The following PHF24 variants were observed in gnomAD, a reference collection of about 807,000 sequenced individuals.
PHF24 encodes PHD finger protein 24, also known as Galpha inhibitory interacting protein.
A neutral mutation model predicts 42.6 loss-of-function variants in PHF24; 25 were observed. That is an observed-to-expected ratio of 0.59 (90% CI 0.43 to 0.82). PHF24 has a LOEUF of 0.82. Ranked by LOEUF, PHF24 falls within the 40% of genes least tolerant of loss-of-function variation. The pLI, the probability that PHF24 is intolerant of heterozygous loss-of-function variation, is 0.00. For synonymous variants in PHF24, 185 were observed against 204.8 expected (o/e 0.90, Z 0.83); for missense variants, 470 against 538.1 (o/e 0.87, Z 1.25).
chr9:34,935,150 C>T, the PHF24 span, among the ~76,000 whole-genome samples: 5 of 152,164 alleles, frequency 3.3e-5, no homozygotes, highest in East Asian at 1.9e-4. Flanking sequence ...TGATCAACTA[C>T]GTTAATGGTA....
chr9:34,828,462 A>G, the PHF24 span, among the ~76,000 whole-genome samples: 2 of 151,924 alleles, frequency 1.3e-5, no homozygotes, highest in Admixed American at 1.3e-4. Context: ...TCTGAATCCC[A>G]TGTTCTCTTT....
the PHF24 span, among the ~76,000 whole-genome samples, chr9:34,878,412 G>T: frequency 6.6e-6 from 1 of 152,174 alleles, no homozygotes; most frequent in Admixed American, 6.5e-5. Context: ...GAAGCAGGGC[G>T]GGGCATTGCC....
the PHF24 span, among the ~76,000 whole-genome samples, chr9:34,768,521 C>G: frequency 2.0e-5 from 3 of 152,072 alleles, no homozygotes; most frequent in Non-Finnish European, 4.4e-5. Context: ...TTTAAAAAAT[C>G]TGTAAAATGG....
chr9:34,786,127 G>A, the PHF24 span, among the ~76,000 whole-genome samples: 1 of 152,172 alleles, frequency 6.6e-6, no homozygotes, highest in African/African-American at 2.4e-5. Flanking sequence ...TCAAACCAAT[G>A]GGTGATGAAT....
the PHF24 span, among the ~76,000 whole-genome samples, chr9:34,891,363 T>A: frequency 6.6e-6 from 1 of 152,198 alleles, no homozygotes; most frequent in African/African-American, 2.4e-5. Context: ...GCAGGGACAA[T>A]GCCCTAGCAG....
the PHF24 span, chr9:34,918,228 AC>A: frequency 6.7e-7 from 1 of 1,498,852 alleles, no homozygotes; most frequent in South Asian, 1.1e-5. Context: ...CTTTTCGGTG[AC>A]AGAAGCCCTC....
chr9:34,696,841 G>T, the PHF24 span, among the ~76,000 whole-genome samples: 5 of 152,056 alleles, frequency 3.3e-5, no homozygotes, highest in Non-Finnish European at 7.4e-5. Flanking sequence ...ATAACTCTCT[G>T]GCAAAAGGCA....
rs188720169 is a variant in PHF24, at chr9:34,958,560, C to T, written c.-5+159C>T. On this transcript the variant is annotated intron_variant, in intron 1 of 7. Coordinates refer to ENST00000242315, the Ensembl canonical transcript of PHF24. This position sits in a 1 kb window ranked among gnomAD's most constrained non-coding sequence, Gnocchi z 4.5. ...GAACCCCAAGTAGCTGCTGCCTCTA[C>T]GCCTTGGGGGAGTCCCTGAGGTGCT... is the stretch of plus-strand genomic sequence containing the variant. 6.6e-6 allele frequency among the ~76,000 whole-genome samples: 1 copy of T among 152,254 alleles called. No homozygotes were observed. Among genetic ancestry groups the T allele is most frequent in the Non-Finnish European group, 1.5e-5 (1 of 68,002 alleles).
At chr9:34,720,888 ACCTAACAGAAACTTT>A in the PHF24 span, among the ~76,000 whole-genome samples, 1 of 152,130 alleles carries the variant, frequency 6.6e-6, no homozygotes, top group Non-Finnish European at 1.5e-5. Context: ...ACTGCTTGGG[ACCTAACAGAAACTTT>A]CCATGGTAAC....
the PHF24 span, among the ~76,000 whole-genome samples, chr9:34,913,512 G>C: frequency 6.6e-6 from 1 of 152,148 alleles, no homozygotes; most frequent in Non-Finnish European, 1.5e-5. Context: ...GCTTAGAAAT[G>C]CTATCATTTT....
chr9:34,794,332 G>A, the PHF24 span, among the ~76,000 whole-genome samples: 2 of 152,142 alleles, frequency 1.3e-5, no homozygotes, highest in Admixed American at 6.5e-5. Flanking sequence ...TGGTTCTATT[G>A]TCTGCTAAAA....
the PHF24 span, among the ~76,000 whole-genome samples, chr9:34,800,181 T>G: frequency 6.6e-6 from 1 of 152,200 alleles, no homozygotes; most frequent in Non-Finnish European, 1.5e-5. Flanking sequence ...TCAGAGGAAC[T>G]GGTCTTACAG....
chr9:34,858,762 C>T, the PHF24 span, among the ~76,000 whole-genome samples: 4 of 152,178 alleles, frequency 2.6e-5, no homozygotes, highest in Non-Finnish European at 5.9e-5. Flanking sequence ...TTTTTAAAGT[C>T]TTTGTCTAGT....
chr9:34,709,764 T>C, the PHF24 span: 1 of 1,614,186 alleles, frequency 6.2e-7, no homozygotes, highest in Non-Finnish European at 8.5e-7. Context: ...CCCACCCCTT[T>C]GTGTCCACTC....
the PHF24 span, among the ~76,000 whole-genome samples, chr9:34,770,751 C>T: frequency 6.7e-5 from 10 of 150,260 alleles, no homozygotes; most frequent in South Asian, 6.2e-4. Context: ...CTTTTGAAAC[C>T]GTGTGAGTGT....
At chr9:34,699,053 C>T in the PHF24 span, among the ~76,000 whole-genome samples, 2,989 of 152,294 alleles carry the variant, frequency 0.02, 110 homozygotes, top group African/African-American at 0.068. Context: ...CCAGTGACAA[C>T]GTGACCTAAG....
the PHF24 span, among the ~76,000 whole-genome samples, chr9:34,946,096 T>C: frequency 1.3e-5 from 2 of 152,198 alleles, no homozygotes; most frequent in Admixed American, 6.5e-5. Flanking sequence ...CAGTAGGAGA[T>C]AGGAAAGGCA....
the PHF24 span, chr9:34,833,608 C>T: frequency 1.3e-6 from 2 of 1,546,026 alleles, no homozygotes; most frequent in African/African-American, 2.8e-5. Context: ...TCTCTAGGAC[C>T]TTTTTTCTCA....
At chr9:34,690,101 G>T in the PHF24 span, 1 of 1,587,530 alleles carries the variant, frequency 6.3e-7, no homozygotes, top group Non-Finnish European at 8.6e-7. Context: ...CTGTTTCAGG[G>T]ATTTCCTTGA....
Sources: allele counts gnomAD v4.1 joint callset (sites outside exome capture counted in the v4.1 genomes callset), GRCh38; gene constraint gnomAD v4.1.1; non-coding constraint Gnocchi (gnomAD v3.1); transcripts MANE v1.5; gene names NCBI Gene and HGNC (gene_info 2026-07-23, HGNC 2026-07-21).